Variants in BRINP3 observed in about 807,000 individuals in gnomAD.
BRINP3 encodes the protein BMP/retinoic acid-inducible neural-specific protein 3.
BRINP3 carries 19 observed loss-of-function variants against 71.0 expected under a neutral mutation model. The observed-to-expected ratio is 0.27, with a 90% CI of 0.19 to 0.39. BRINP3 has a LOEUF of 0.39. Ranked by LOEUF, BRINP3 falls within the 10% of genes least tolerant of loss-of-function variation. BRINP3 has a pLI of 1.00. For missense variants in BRINP3, 959 were observed against 940.8 expected, an observed-to-expected ratio of 1.02 and a Z score of -0.25; for synonymous variants, 380 against 337.7, an observed-to-expected ratio of 1.13 and a Z score of -1.37.
At position 190,226,250 on chromosome 1, in the gene BRINP3, A is replaced by C; in HGVS notation, c.793T>G (p.Cys265Gly). ...FVQAALSYIA[C>G]NSEGEFICKE... The stretch of plus-strand genomic sequence containing the variant: ...CAGATAAACTCTCCCTCTGAATTGC[A>C]AGCAATGTAGCTCAAAGCTGCTTGT... The change falls in exon 6 of 8, where the codon TGC becomes GGC. Residue 265 changes from cysteine (C) to glycine (G), a missense_variant. Coordinates refer to ENST00000367462, the MANE Select transcript of BRINP3 (RefSeq NM_199051.3). The C allele has an allele frequency of 1.2e-6, 2 of 1,612,480 alleles. No individual in the cohort carries two copies. Among genetic ancestry groups the C allele is most frequent in the Non-Finnish European group, 1.7e-6 (2 of 1,179,042 alleles).
chr1:190,384,298 T>G (rs1670742401), intron 2 of BRINP3, among the ~76,000 whole-genome samples: 1 of 151,814 alleles, frequency 6.6e-6, no homozygotes, highest in African/African-American at 2.4e-5. Context: ...AGGGTGAAGA[T>G]AATTTCATTT....
intron 2 of BRINP3, among the ~76,000 whole-genome samples, chr1:190,386,206 T>G (rs1233516802): frequency 2.0e-5 from 3 of 148,326 alleles, no homozygotes; most frequent in African/African-American, 5.0e-5. Flanking sequence ...AATGTGCACA[T>G]GTACCCTAAA....
At chr1:190,181,333 G>A (rs998220646) in intron 6 of BRINP3, among the ~76,000 whole-genome samples, 3 of 151,852 alleles carry the variant, frequency 2.0e-5, no homozygotes, top group Non-Finnish European at 4.4e-5. Flanking sequence ...GGAACATTTT[G>A]GTTGTTTCTA....
intron 6 of BRINP3, among the ~76,000 whole-genome samples, chr1:190,202,848 G>T (rs1055253461): frequency 6.6e-6 from 1 of 152,054 alleles, no homozygotes; most frequent in African/African-American, 2.4e-5. Flanking sequence ...CCTCTCTTTT[G>T]TAAATAGCCC....
intron 6 of BRINP3, among the ~76,000 whole-genome samples, chr1:190,167,294 C>T (rs1203856433): frequency 6.6e-6 from 1 of 152,118 alleles, no homozygotes; most frequent in African/African-American, 2.4e-5. Context: ...TTGTTTCCTA[C>T]TGGCTGGGAC....
intron 2 of BRINP3, among the ~76,000 whole-genome samples, chr1:190,383,021 A>G (rs1253996746): frequency 6.6e-6 from 1 of 152,112 alleles, no homozygotes; most frequent in East Asian, 1.9e-4. Context: ...GTGTCTTCAC[A>G]GTGGTGCAGG....
At chr1:190,389,675 T>G (rs1671129335) in intron 2 of BRINP3, among the ~76,000 whole-genome samples, 1 of 151,760 alleles carries the variant, frequency 6.6e-6, no homozygotes, top group Admixed American at 6.6e-5. Flanking sequence ...TTTGGCACAT[T>G]TAATAATTTA....
intron 6 of BRINP3, among the ~76,000 whole-genome samples, chr1:190,171,583 T>G (rs777413524): frequency 2.0e-5 from 3 of 152,194 alleles, no homozygotes; most frequent in Non-Finnish European, 4.4e-5. Context: ...CCATAATTTG[T>G]CTTTCATATT....
At chr1:190,327,424 A>G (rs1666680833) in intron 2 of BRINP3, among the ~76,000 whole-genome samples, 2 of 144,356 alleles carry the variant, frequency 1.4e-5, no homozygotes, top group Admixed American at 1.4e-4. Flanking sequence ...CCCATCTCAC[A>G]CATAATAACA....
At chr1:190,260,908 A>G (rs910802023) in intron 4 of BRINP3, among the ~76,000 whole-genome samples, 3 of 152,046 alleles carry the variant, frequency 2.0e-5, no homozygotes, top group African/African-American at 4.8e-5. Context: ...CTTTCCAAAC[A>G]CTATAATTCT....
intron 5 of BRINP3, among the ~76,000 whole-genome samples, chr1:190,229,945 A>T (rs970294801): frequency 6.6e-6 from 1 of 152,068 alleles, no homozygotes; most frequent in Non-Finnish European, 1.5e-5. Flanking sequence ...AAAATTTAAT[A>T]ACAAAACAGA....
chr1:190,402,975 C>T (rs1672030940), intron 2 of BRINP3, among the ~76,000 whole-genome samples: 2 of 152,158 alleles, frequency 1.3e-5, no homozygotes, highest in Admixed American at 1.3e-4. Flanking sequence ...TACCTGCCCA[C>T]CTCGGCCTCC....
chr1:190,474,140 T>C (rs1189523109), intron 1 of BRINP3, among the ~76,000 whole-genome samples: 1 of 152,186 alleles, frequency 6.6e-6, no homozygotes, highest in Non-Finnish European at 1.5e-5. Flanking sequence ...TCTCTACCCT[T>C]CCCATTTCTT....
intron 2 of BRINP3, among the ~76,000 whole-genome samples, chr1:190,405,440 G>C (rs1349814982): frequency 1.9e-5 from 2 of 104,438 alleles, no homozygotes; most frequent in Non-Finnish European, 3.5e-5. Flanking sequence ...GACAGAGCGA[G>C]ACTCCGTCTC....
At chr1:190,435,107 T>C (rs1270217766) in intron 2 of BRINP3, among the ~76,000 whole-genome samples, 1 of 152,194 alleles carries the variant, frequency 6.6e-6, no homozygotes, top group Non-Finnish European at 1.5e-5. Context: ...ACAAATTTCC[T>C]GATCAATGAA....
At chr1:190,255,236 C>CTTTTTTTTTTTTT (rs201421106) in intron 4 of BRINP3, among the ~76,000 whole-genome samples, 5 of 134,614 alleles carry the variant, frequency 3.7e-5, no homozygotes, top group Non-Finnish European at 3.3e-5. Flanking sequence ...AAAATTCTCT[C>CTTTTTTTTTTTTT]TTTTTTTTTT....
intron 4 of BRINP3, among the ~76,000 whole-genome samples, chr1:190,263,587 CT>C (rs34792964): frequency 0.21 from 26,517 of 129,256 alleles, 2,127 homozygotes; most frequent in Middle Eastern, 0.29. Flanking sequence ...GAAGTAGTAA[CT>C]TTTTTTTTTT....
At chr1:190,413,406 T>G (rs1217879059) in intron 2 of BRINP3, among the ~76,000 whole-genome samples, 2 of 152,196 alleles carry the variant, frequency 1.3e-5, no homozygotes. Context: ...AATATTTCTT[T>G]AAAAGGAAAA....
intron 2 of BRINP3, among the ~76,000 whole-genome samples, chr1:190,452,024 G>A (rs1675641941): frequency 6.6e-6 from 1 of 152,170 alleles, no homozygotes; most frequent in Non-Finnish European, 1.5e-5. Flanking sequence ...AGCACTAGTA[G>A]AACTGGGCTG....
Sources: gnomAD v4.1 joint callset for allele counts (sites outside exome capture counted in the v4.1 genomes callset) on GRCh38, gnomAD v4.1.1 for gene constraint, MANE v1.5 for transcripts, NCBI Gene and HGNC (gene_info 2026-07-23, HGNC 2026-07-21) for gene names.